GRID1: variants seen among roughly 807,000 people sequenced by gnomAD.
GRID1 encodes the protein glutamate ionotropic receptor delta type subunit 1, also known as glutamate receptor ionotropic, delta-1.
GRID1 carries 28 observed loss-of-function variants against 98.0 expected under a neutral mutation model. The ratio of observed to expected loss-of-function variants is 0.29; its 90% CI spans 0.21 to 0.39. GRID1 has a LOEUF of 0.39. Among genes scored for constraint, GRID1 ranks in the 10% least tolerant of loss-of-function variants. The probability of loss-of-function intolerance (pLI) is 1.00; values close to 1 mark genes in which losing one functional copy is unlikely to be tolerated. For synonymous variants in GRID1, 553 were observed against 538.5 expected, an observed-to-expected ratio of 1.03 and a Z score of -0.37; for missense variants, 1,111 against 1,340.5, an observed-to-expected ratio of 0.83 and a Z score of 2.67.
intron 8 of GRID1, among the ~76,000 whole-genome samples, chr10:85,834,493 A>T (rs1452208954): frequency 1.3e-5 from 2 of 152,190 alleles, no homozygotes; most frequent in Non-Finnish European, 2.9e-5. Context: ...AAATAAAAGC[A>T]TTATTGGAGC....
chr10:85,614,154 T>A (rs1371318292), intron 14 of GRID1, among the ~76,000 whole-genome samples: 1 of 152,238 alleles, frequency 6.6e-6, no homozygotes, highest in East Asian at 1.9e-4. Context: ...TAGTATGATG[T>A]TCAGCACTAC....
Position 86,206,479 on chromosome 10 carries a change from A to T in GRID1, c.405T>A (p.Asp135Glu). 6.2e-7 allele frequency: 1 copy of T among 1,614,172 alleles called. No individual in the cohort carries two copies. The highest frequency in any genetic ancestry group is 1.3e-5 in the African/African-American group (1 of 75,048). Residue 135 changes from aspartate to glutamate, a missense_variant, in exon 3 of 16, where the codon GAT (aspartate) becomes GAA (glutamate). Transcript: ENST00000327946. The surrounding 1 kb of genome is among the most constrained non-coding windows in gnomAD (Gnocchi z 4.1). Reference sequence around the variant, plus strand: ...TCGAAGCCAGTGTGTAGGCCTCACCATCGGGGCTGGGGTTCAGGTGGCATG... The same window carrying T: ...TCGAAGCCAGTGTGTAGGCCTCACCTTCGGGGCTGGGGTTCAGGTGGCATG... ...RTACHLNPSP[D>E]GEAYTLASRP...
At chr10:86,042,918 T>C (rs1361726568) in intron 4 of GRID1, among the ~76,000 whole-genome samples, 1 of 151,932 alleles carries the variant, frequency 6.6e-6, no homozygotes, top group Non-Finnish European at 1.5e-5. Context: ...AGACCCCATC[T>C]CTACAAAAAA....
At chr10:86,102,051 G>A (rs1420130452) in intron 4 of GRID1, among the ~76,000 whole-genome samples, 1 of 152,184 alleles carries the variant, frequency 6.6e-6, no homozygotes, top group Admixed American at 6.5e-5. Flanking sequence ...ATTTCTTCTG[G>A]AACAAAAGGC....
chr10:85,944,960 T>G (rs751924505), intron 4 of GRID1, among the ~76,000 whole-genome samples: 2 of 152,230 alleles, frequency 1.3e-5, no homozygotes, highest in Admixed American at 6.5e-5. Context: ...ATTTCTTTTA[T>G]ACAGTGGCCC....
chr10:86,212,528 C>G (rs77080713), intron 2 of GRID1, among the ~76,000 whole-genome samples: 1 of 152,198 alleles, frequency 6.6e-6, no homozygotes, highest in East Asian at 1.9e-4. Context: ...TGGGCAAACC[C>G]GGGCTCAGCC....
intron 2 of GRID1, among the ~76,000 whole-genome samples, chr10:86,361,790 A>T (rs1848603877): frequency 6.6e-6 from 1 of 152,194 alleles, no homozygotes. Flanking sequence ...CAACAGTAGG[A>T]TTTTCACGCC....
intron 12 of GRID1, among the ~76,000 whole-genome samples, chr10:85,717,537 C>CT (rs1177527475): frequency 1.3e-5 from 2 of 152,122 alleles, no homozygotes; most frequent in African/African-American, 4.8e-5. Flanking sequence ...ATTCAATTAC[C>CT]TCTCCCTGGA....
chr10:85,966,877 A>T (rs1842343965), intron 4 of GRID1, among the ~76,000 whole-genome samples: 1 of 151,938 alleles, frequency 6.6e-6, no homozygotes, highest in South Asian at 2.1e-4. Context: ...AAGAAAACTG[A>T]GCAGAGACTT....
At chr10:85,656,215 A>C (rs1040166996) in intron 12 of GRID1, among the ~76,000 whole-genome samples, 5 of 152,140 alleles carry the variant, frequency 3.3e-5, no homozygotes, top group African/African-American at 7.2e-5. Context: ...CCCTCCAACC[A>C]GTAGCATTTG....
chr10:86,249,397 C>G (rs1371752735), intron 2 of GRID1, among the ~76,000 whole-genome samples: 1 of 152,134 alleles, frequency 6.6e-6, no homozygotes, highest in Non-Finnish European at 1.5e-5. Flanking sequence ...ATCCTTGGAC[C>G]CTCATATCCC....
chr10:86,126,284 T>A (rs965406956), intron 4 of GRID1, among the ~76,000 whole-genome samples: 5 of 151,804 alleles, frequency 3.3e-5, no homozygotes, highest in African/African-American at 4.8e-5. Flanking sequence ...CGAAACCCCG[T>A]CTCTACTAAA....
chr10:85,779,713 C>T (rs1842364610), intron 8 of GRID1, among the ~76,000 whole-genome samples: 1 of 152,118 alleles, frequency 6.6e-6, no homozygotes, highest in Non-Finnish European at 1.5e-5. Flanking sequence ...CTGCCCCTTC[C>T]AGGCATGTTC....
chr10:85,681,290 C>A (rs961975397), intron 12 of GRID1, among the ~76,000 whole-genome samples: 1 of 152,116 alleles, frequency 6.6e-6, no homozygotes, highest in Non-Finnish European at 1.5e-5. Flanking sequence ...GGTTCTCTGG[C>A]ACCTTTTTCA....
chr10:85,998,569 C>T (rs1007989236), intron 4 of GRID1, among the ~76,000 whole-genome samples: 5 of 152,016 alleles, frequency 3.3e-5, no homozygotes, highest in African/African-American at 1.2e-4. Context: ...AAGCTTTTAG[C>T]TTTTATCTTA....
At chr10:85,822,648 G>C (rs1302761958) in intron 8 of GRID1, among the ~76,000 whole-genome samples, 1 of 152,168 alleles carries the variant, frequency 6.6e-6, no homozygotes. Context: ...CAGGGATCTG[G>C]AACTAGAAAT....
chr10:86,348,753 C>CAT (rs1470914184), intron 2 of GRID1, among the ~76,000 whole-genome samples: 8 of 152,374 alleles, frequency 5.3e-5, no homozygotes, highest in Admixed American at 4.6e-4. Flanking sequence ...CATCCAGGAG[C>CAT]TCCCGGAAGC....
At chr10:85,966,409 A>C (rs1046812445) in intron 4 of GRID1, among the ~76,000 whole-genome samples, 2 of 152,202 alleles carry the variant, frequency 1.3e-5, no homozygotes, top group Non-Finnish European at 2.9e-5. Flanking sequence ...TATAAGTAGA[A>C]AGTAAAGAAT....
At chr10:86,167,299 G>C (rs12258618) in intron 3 of GRID1, among the ~76,000 whole-genome samples, 10,103 of 152,268 alleles carry the variant, frequency 0.066, 616 homozygotes, top group South Asian at 0.15. Flanking sequence ...AGGGAGAAGG[G>C]GCCACAGAGG....
Sources: allele counts gnomAD v4.1 joint callset (sites outside exome capture counted in the v4.1 genomes callset), GRCh38; gene constraint gnomAD v4.1.1; non-coding constraint Gnocchi (gnomAD v3.1); transcripts MANE v1.5; gene names NCBI Gene and HGNC (gene_info 2026-07-23, HGNC 2026-07-21).